The following HIVEP3 variants were observed in gnomAD, a reference collection of about 807,000 sequenced individuals.
HIVEP3 encodes the protein transcription factor HIVEP3.
HIVEP3 carries 49 observed loss-of-function variants against 152.8 expected under a neutral mutation model. The observed-to-expected ratio is 0.32, with a 90% CI of 0.26 to 0.41. The LOEUF (loss-of-function observed/expected upper bound fraction) is 0.41. Ranked by LOEUF, HIVEP3 falls within the 10% of genes least tolerant of loss-of-function variation. The pLI, the probability that HIVEP3 is intolerant of heterozygous loss-of-function variation, is 1.00. For synonymous variants in HIVEP3, 1,269 were observed against 1,289.0 expected, an observed-to-expected ratio of 0.98 and a Z score of 0.33; for missense variants, 2,790 against 3,103.3, an observed-to-expected ratio of 0.90 and a Z score of 2.40.
chr1:41,729,254 C>T (rs1646803282), intron 1 of HIVEP3, among the ~76,000 whole-genome samples: 1 of 152,206 alleles, frequency 6.6e-6, no homozygotes, highest in Non-Finnish European at 1.5e-5. Context: ...CTGCCTTTCC[C>T]TCTACTTCCA....
chr1:41,579,631 G>A (rs2810564), intron 4 of HIVEP3, 106 bp downstream of exon 4: 1,317,079 of 1,319,700 alleles, frequency 1, 657,274 homozygotes, highest in East Asian at 1. Flanking sequence ...CTGACTACTA[G>A]TCTGGCTCTA....
At chr1:41,658,572 T>C (rs1291606082) in intron 2 of HIVEP3, among the ~76,000 whole-genome samples, 1 of 151,558 alleles carries the variant, frequency 6.6e-6, no homozygotes, top group Non-Finnish European at 1.5e-5. Context: ...ATGTTCTCAC[T>C]TCACCCCCCC....
intron 1 of HIVEP3, among the ~76,000 whole-genome samples, chr1:42,022,150 C>T (rs536847142): frequency 6.6e-6 from 1 of 152,320 alleles, no homozygotes; most frequent in Non-Finnish European, 1.5e-5. Context: ...ACTTTACTTA[C>T]GGATACATTT....
At chr1:41,786,048 T>G (rs1202609158) in intron 1 of HIVEP3, among the ~76,000 whole-genome samples, 1 of 151,648 alleles carries the variant, frequency 6.6e-6, no homozygotes, top group Non-Finnish European at 1.5e-5. Flanking sequence ...TGTTGGGAGA[T>G]GTAGTGAGGG....
At chr1:41,588,821 C>T (rs1424035106) in intron 3 of HIVEP3, among the ~76,000 whole-genome samples, 2 of 152,116 alleles carry the variant, frequency 1.3e-5, no homozygotes, top group East Asian at 1.9e-4. Context: ...CCAAGCCACA[C>T]TGGGGCTTGG....
At chr1:41,652,316 T>C (rs767525283) in intron 2 of HIVEP3, among the ~76,000 whole-genome samples, 5 of 152,250 alleles carry the variant, frequency 3.3e-5, no homozygotes, top group Non-Finnish European at 7.3e-5. Flanking sequence ...CTTTGCTTCA[T>C]TTGCAAAGCC....
intron 1 of HIVEP3, among the ~76,000 whole-genome samples, chr1:41,859,106 A>G (rs971879869): frequency 6.6e-6 from 1 of 152,230 alleles, no homozygotes; most frequent in African/African-American, 2.4e-5. Flanking sequence ...TCTATGAAAC[A>G]TCAACATCAG....
intron 1 of HIVEP3, among the ~76,000 whole-genome samples, chr1:41,783,903 T>C (rs1367367136): frequency 6.6e-6 from 1 of 152,172 alleles, no homozygotes; most frequent in Non-Finnish European, 1.5e-5. Flanking sequence ...CCAAAAAGGG[T>C]GCAGCAGGGT....
intron 1 of HIVEP3, among the ~76,000 whole-genome samples, chr1:41,938,537 A>G (rs1390689007): frequency 1.3e-5 from 2 of 152,220 alleles, no homozygotes; most frequent in Non-Finnish European, 2.9e-5. Context: ...GATTAATGCC[A>G]TCTAGAACAC....
chr1:41,884,532 T>C (rs1194919083), intron 1 of HIVEP3, among the ~76,000 whole-genome samples: 1 of 152,104 alleles, frequency 6.6e-6, no homozygotes, highest in Non-Finnish European at 1.5e-5. Context: ...CTTGTGTTTC[T>C]CCCTCCACTG....
intron 2 of HIVEP3, among the ~76,000 whole-genome samples, chr1:41,687,441 C>T (rs1646130643): frequency 6.6e-6 from 1 of 152,260 alleles, no homozygotes; most frequent in South Asian, 2.1e-4. Context: ...CAGCTTTCCA[C>T]ATCTCTCCAA....
At chr1:41,752,486 A>C (rs1257465457) in intron 1 of HIVEP3, among the ~76,000 whole-genome samples, 2 of 152,234 alleles carry the variant, frequency 1.3e-5, no homozygotes, top group Non-Finnish European at 2.9e-5. Flanking sequence ...CCCATGGGGC[A>C]CAGGGGCTGG....
At chr1:41,932,777 G>A (rs1382945192) in intron 1 of HIVEP3, among the ~76,000 whole-genome samples, 2 of 151,514 alleles carry the variant, frequency 1.3e-5, no homozygotes, top group Non-Finnish European at 3.0e-5. Context: ...CTTACTGATT[G>A]AAGACCTTTC....
At chr1:41,979,909 A>C (rs1645285123) in intron 1 of HIVEP3, among the ~76,000 whole-genome samples, 1 of 152,230 alleles carries the variant, frequency 6.6e-6, no homozygotes, top group Non-Finnish European at 1.5e-5. Context: ...GAATACTATA[A>C]AATCATATTT....
intron 5 of HIVEP3, among the ~76,000 whole-genome samples, chr1:41,566,836 G>T (rs183599278): frequency 4.5e-4 from 69 of 152,234 alleles, no homozygotes; most frequent in Non-Finnish European, 7.9e-4. Context: ...CTGCAGCAGT[G>T]TGTCTGTCTG....
At position 41,584,481 on chromosome 1, in the gene HIVEP3, G is replaced by A. The variant is rs149979631; in HGVS notation, c.317C>T (p.Ser106Leu). ...PQHPLTPAFM[S>L]PGKPEHLLEG... ...CAGGAGATGCTCAGGTTTGCCAGGC[G>A]ACATGAATGCTGGTGTCAGAGGGTG... is the stretch of plus-strand genomic sequence containing the variant. The change falls in exon 4 of 9, where the codon TCG (serine) becomes TTG (leucine). Residue 106 changes from serine to leucine, a missense_variant. Coordinates refer to ENST00000372583, the MANE Select transcript of HIVEP3 (RefSeq NM_024503.5). The surrounding 1 kb of genome is among the most constrained non-coding windows in gnomAD (Gnocchi z 5.2). The A allele has an allele frequency of 1.9e-5, 31 of 1,614,040 alleles. No homozygotes were observed. The highest frequency in any genetic ancestry group is 1.6e-4 in the Middle Eastern group (1 of 6,084).
At chr1:41,773,901 A>T (rs1200361885) in intron 1 of HIVEP3, among the ~76,000 whole-genome samples, 3 of 152,256 alleles carry the variant, frequency 2.0e-5, no homozygotes, top group Admixed American at 1.3e-4. Flanking sequence ...TCACAGATGA[A>T]GGACAAGTCT....
At chr1:41,723,285 C>A (rs1034594195) in intron 1 of HIVEP3, among the ~76,000 whole-genome samples, 2 of 151,956 alleles carry the variant, frequency 1.3e-5, no homozygotes, top group African/African-American at 4.8e-5. Flanking sequence ...AGGAATGAGC[C>A]CTGAGTTTGG....
At chr1:41,849,101 A>T (rs947156066) in intron 1 of HIVEP3, 1 of 152,356 alleles carries the variant, frequency 6.6e-6, no homozygotes, top group Non-Finnish European at 1.5e-5. Flanking sequence ...TGAGAGGGAC[A>T]GGAAGGGGAA....
Sources: gnomAD v4.1 joint callset for allele counts (sites outside exome capture counted in the v4.1 genomes callset) on GRCh38, gnomAD v4.1.1 for gene constraint, Gnocchi (gnomAD v3.1) non-coding constraint, MANE v1.5 for transcripts, NCBI Gene and HGNC (gene_info 2026-07-23, HGNC 2026-07-21) for gene names.